Variants in PTPRU observed in about 807,000 individuals in gnomAD.
PTPRU encodes the protein receptor-type tyrosine-protein phosphatase U.
Under a neutral mutation model 166.3 loss-of-function variants are expected in PTPRU, and 69 were observed. That is an observed-to-expected ratio of 0.41 (90% CI 0.34 to 0.51). PTPRU has a LOEUF of 0.51. Among genes scored for constraint, PTPRU ranks in the 20% least tolerant of loss-of-function variants. The pLI is 0.09. For synonymous variants in PTPRU, 793 were observed against 814.0 expected (o/e 0.97, Z 0.44); for missense variants, 1,657 against 2,013.7 (o/e 0.82, Z 3.39).
At position 29,280,047 on chromosome 1, in the gene PTPRU, T is replaced by G. The variant is rs367633133; in HGVS notation, c.1774T>G (p.Phe592Val). 3 of 1,613,266 alleles carry G rather than the reference T, an allele frequency of 1.9e-6. No individual in the cohort carries two copies. The highest frequency in any genetic ancestry group is 1.3e-5 in the African/African-American group (1 of 74,912). ...CCTGTCCCCTTCTCCAGCTCCCAGC[T>G]TTGATTATGCCGACATGCCGTCACC... ...EITTNISAPSFDYADMPSPLG... is the reference protein window; with the variant it reads ...EITTNISAPSVDYADMPSPLG... Residue 592 changes from phenylalanine to valine, a missense_variant, in exon 11 of 30, where the codon TTT becomes GTT. Transcript: ENST00000373779. This position sits in a 1 kb window ranked among gnomAD's most constrained non-coding sequence, Gnocchi z 4.2.
chr1:29,243,930 A>C (rs1684171244), intron 1 of PTPRU, among the ~76,000 whole-genome samples: 1 of 152,002 alleles, frequency 6.6e-6, no homozygotes, highest in South Asian at 2.1e-4. Flanking sequence ...CTGTGGGAGG[A>C]CCCCTGAGGG....
Position 29,281,995 on chromosome 1 carries a change from G to A in PTPRU, c.1869-681G>A, listed in dbSNP as rs191713151. Among the ~76,000 whole-genome samples, 8 of 152,334 alleles carry A rather than the reference G, an allele frequency of 5.3e-5. No homozygotes were observed. In the East Asian group the frequency reaches 1.5e-3, roughly 29 times the overall value. On this transcript the variant is annotated intron_variant, in intron 11 of 29. Coordinates refer to ENST00000373779, the MANE Select transcript of PTPRU (RefSeq NM_133178.4). ...TAAAATAGAAACACAGCTGGGACCA[G>A]GGAGCACGAACCAGAGTGGGCAGTC...
intron 25 of PTPRU, among the ~76,000 whole-genome samples, chr1:29,319,397 C>T (rs1688047364): frequency 6.6e-6 from 1 of 152,178 alleles, no homozygotes; most frequent in Non-Finnish European, 1.5e-5. Flanking sequence ...CAGCCCTGTC[C>T]CCTCCTGAGG....
intron 1 of PTPRU, among the ~76,000 whole-genome samples, chr1:29,254,644 A>G (rs984409443): frequency 2.0e-5 from 3 of 152,238 alleles, no homozygotes; most frequent in African/African-American, 7.2e-5. Flanking sequence ...TACTTACGCC[A>G]TTTAGCATTG....
chr1:29,316,020 C>T lies in PTPRU; in HGVS notation c.3382C>T (p.His1128Tyr), dbSNP rs1419812416. The change falls in exon 24 of 30, where the codon CAT (histidine) becomes TAT (tyrosine). Residue 1128 changes from histidine to tyrosine, a missense_variant. Physicochemically the swap from His to Tyr is moderately conservative, Grantham distance 83. Transcript: ENST00000373779. ...IQTEEQYIFI[H>Y]DAILEACLCG... The stretch of plus-strand genomic sequence containing the variant: ...GTTCCAGGAGCAGTACATCTTCATT[C>T]ATGATGCAATCCTGGAGGCCTGCCT... 1.2e-6 allele frequency: 2 copies of T among 1,613,996 alleles called. No individual in the cohort carries two copies. Among genetic ancestry groups the T allele is most frequent in the Non-Finnish European group, 1.7e-6 (2 of 1,179,968 alleles).
chr1:29,325,199 GA>G lies in PTPRU; in HGVS notation c.4122del (p.Gly1375AspfsTer15). ...GRTIVHCLNG[G>X]GRSGTFCACA... Reference sequence around the variant, plus strand: ...TTGCATCTCTCATTCAGAAACGGGGGAGGACGCAGCGGCACCTTCTGCGCCT... The same window carrying G: ...TTGCATCTCTCATTCAGAAACGGGGGGGACGCAGCGGCACCTTCTGCGCCT... On this transcript the variant is annotated frameshift_variant, in exon 29 of 30. Transcript: ENST00000373779. LOFTEE classifies it high-confidence loss of function. 1 of 1,614,210 alleles carries G rather than the reference GA, an allele frequency of 6.2e-7. No homozygotes were observed. Among genetic ancestry groups the G allele is most frequent in the South Asian group, 1.1e-5 (1 of 91,084 alleles).
chr1:29,269,494 G>T (rs1414694259), intron 7 of PTPRU, among the ~76,000 whole-genome samples: 1 of 151,564 alleles, frequency 6.6e-6, no homozygotes, highest in African/African-American at 2.4e-5. Flanking sequence ...GTTTTCATAG[G>T]CTGGCCAGGA....
chr1:29,323,313 G>A, intron 26 of PTPRU, 58 bp from the exon 27 acceptor site: 1 of 1,575,068 alleles, frequency 6.3e-7, no homozygotes. Context: ...GGGCATGGCT[G>A]TGGGGTGAGC....
At position 29,259,535 on chromosome 1, in the gene PTPRU, G is replaced by A. The variant is rs1204523221; in HGVS notation, c.646G>A (p.Ala216Thr). The A allele has an allele frequency of 1.2e-6, 2 of 1,606,456 alleles. No homozygotes were observed. The highest frequency in any genetic ancestry group is 2.2e-5 in the East Asian group (1 of 44,618). The change falls in exon 5 of 30, where the codon GCG becomes ACG. Residue 216 changes from alanine (A) to threonine (T), a missense_variant. Physicochemically the swap from Ala to Thr is moderately conservative, Grantham distance 58. This residue lies in a region of PTPRU where 453 missense variants were observed against 496.9 expected (regional missense o/e 0.91). Transcript: ENST00000373779. Reference protein sequence around the residue: ...ASFQCMAAGRAAEAERFLLQR... With the variant: ...ASFQCMAAGRTAEAERFLLQR... ...GTTCCAGTGCATGGCCGCGGGCAGAGCGGCCGAGGCCGAACGCTTCCTCTT... is the reference window on the plus strand; with the variant it reads ...GTTCCAGTGCATGGCCGCGGGCAGAACGGCCGAGGCCGAACGCTTCCTCTT...
chr1:29,306,979 T>TCAGCCCAGCC, intron 18 of PTPRU: 1 of 822,194 alleles, frequency 1.2e-6, no homozygotes, highest in South Asian at 1.6e-5. Flanking sequence ...ACTCTGTGGC[T>TCAGCCCAGCC]CAGCCCAGCC....
chr1:29,266,303 G>GT (rs1013491312), intron 7 of PTPRU, among the ~76,000 whole-genome samples: 4 of 151,504 alleles, frequency 2.6e-5, no homozygotes, highest in Admixed American at 6.6e-5. Context: ...CTGGCCTCCT[G>GT]TTTTTTTTCT....
intron 15 of PTPRU, among the ~76,000 whole-genome samples, chr1:29,293,482 T>G (rs1557458735): frequency 6.6e-6 from 1 of 150,590 alleles, no homozygotes; most frequent in African/African-American, 2.4e-5. Flanking sequence ...TTTTTTGTTT[T>G]TTTTTTTTTT....
In PTPRU at chr1:29,279,804, G is replaced by C. The variant is rs1327087607; in HGVS notation, c.1765+147G>C. 1 of 1,079,082 alleles carries C rather than the reference G, an allele frequency of 9.3e-7. No homozygotes were observed. Among genetic ancestry groups the C allele is most frequent in the African/African-American group, 1.6e-5 (1 of 63,520 alleles). 66.8% of individuals were successfully genotyped at this position (1,079,082 alleles called of 1,614,324 possible). A position where few individuals can be genotyped will look rare whatever the true frequency, so the allele number is the denominator to read the frequency against. ...ATATGCCATTTAGGAGTTAAAGTCA[G>C]GCTCAGGGAGGATGAAGTCAGAGGA... On this transcript the variant is annotated intron_variant, in intron 10 of 29. Coordinates refer to ENST00000373779, the MANE Select transcript of PTPRU (RefSeq NM_133178.4). The surrounding 1 kb of genome is among the most constrained non-coding windows in gnomAD (Gnocchi z 5.2).
chr1:29,283,954 T>A lies in PTPRU; in HGVS notation c.2157T>A (p.Asn719Lys). Residue 719 changes from asparagine (N) to lysine (K), a missense_variant, in exon 13 of 30, where the codon AAT becomes AAA. By Grantham distance (94) the Asn-to-Lys change is moderately conservative. This residue lies in a region of PTPRU where 1,190 missense variants were observed against 1,477.4 expected (regional missense o/e 0.81). Transcript: ENST00000373779. Reference protein sequence around the residue: ...ASHLKGETRLNCIRIARKAAC... With the variant: ...ASHLKGETRLKCIRIARKAAC... The stretch of plus-strand genomic sequence containing the variant: ...TGTGCCTCCAGGAGACCCGGCTGAA[T>A]TGCATCCGCATTGCCAGGAAAGGTA... 6.2e-7 allele frequency: 1 copy of A among 1,613,916 alleles called. No homozygotes were observed. Among genetic ancestry groups the A allele is most frequent in the Non-Finnish European group, 8.5e-7 (1 of 1,180,020 alleles).
At chr1:29,323,285 G>A (rs1688244739) in intron 26 of PTPRU, 86 bp from the exon 27 acceptor site, 27 of 1,514,706 alleles carry the variant, frequency 1.8e-5, no homozygotes, top group Non-Finnish European at 2.4e-5. Context: ...CACAGGGCAA[G>A]TGTGGAGCCC....
At position 29,279,622 on chromosome 1, in the gene PTPRU, A is replaced by G. The variant is rs1685968683; in HGVS notation, c.1730A>G (p.Gln577Arg). ...VRARTGKGFG[Q>R]AALTEITTNI... ...GCCCGCACAGGCAAAGGCTTCGGCC[A>G]GGCGGCACTCACTGAGATAACCACT... The change falls in exon 10 of 30, where the codon CAG becomes CGG. Residue 577 changes from glutamine (Q) to arginine (R), a missense_variant. Physicochemically the swap from Gln to Arg is conservative, Grantham distance 43. Coordinates refer to ENST00000373779, the MANE Select transcript of PTPRU (RefSeq NM_133178.4). The surrounding 1 kb of genome is among the most constrained non-coding windows in gnomAD (Gnocchi z 5.2). 2.5e-6 allele frequency: 4 copies of G among 1,613,440 alleles called. No individual in the cohort carries two copies. The highest frequency in any genetic ancestry group is 2.2e-5 in the East Asian group (1 of 44,882).
At chr1:29,299,358 G>A (rs912988458) in intron 15 of PTPRU, among the ~76,000 whole-genome samples, 1 of 152,192 alleles carries the variant, frequency 6.6e-6, no homozygotes, top group African/African-American at 2.4e-5. Context: ...TGGTCCTTAG[G>A]GGTAGGGGAT....
Position 29,283,983 on chromosome 1 carries a change from C to T in PTPRU, c.2179+7C>T. Reference sequence around the variant, plus strand: ...ATCCGCATTGCCAGGAAAGGTAAGTCCGCTGAGTTCCTGCAGCCTTTCAGC... The same window carrying T: ...ATCCGCATTGCCAGGAAAGGTAAGTTCGCTGAGTTCCTGCAGCCTTTCAGC... On this transcript the variant is annotated splice_region_variant and intron_variant, in intron 13 of 29. Coordinates refer to ENST00000373779, the MANE Select transcript of PTPRU (RefSeq NM_133178.4). 6.2e-7 allele frequency: 1 copy of T among 1,613,502 alleles called. No homozygotes were observed. Among genetic ancestry groups the T allele is most frequent in the East Asian group, 2.2e-5 (1 of 44,872 alleles).
chr1:29,304,799 C>T lies in PTPRU; in HGVS notation c.2693C>T (p.Thr898Ile). Residue 898 changes from threonine (T) to isoleucine (I), a missense_variant, in exon 17 of 30, where the codon ACA becomes ATA. Thr to Ile is a moderately conservative substitution (Grantham distance 89). Transcript: ENST00000373779. Reference sequence around the variant, plus strand: ...AGCTTCTTTGAAGGCTGGGACGCCACAAAGAAGAAAGACAAGGTCAAGGGC... The same window carrying T: ...AGCTTCTTTGAAGGCTGGGACGCCATAAAGAAGAAAGACAAGGTCAAGGGC... ...YESFFEGWDA[T>I]KKKDKVKGSR... 6.2e-7 allele frequency: 1 copy of T among 1,612,394 alleles called. No individual in the cohort carries two copies. Among genetic ancestry groups the T allele is most frequent in the Non-Finnish European group, 8.5e-7 (1 of 1,178,756 alleles).
Sources: gnomAD v4.1 joint callset for allele counts (sites outside exome capture counted in the v4.1 genomes callset) on GRCh38, gnomAD v4.1.1 for gene constraint, gnomAD v4.1.1 regional missense constraint, Gnocchi (gnomAD v3.1) non-coding constraint, MANE v1.5 for transcripts, NCBI Gene and HGNC (gene_info 2026-07-23, HGNC 2026-07-21) for gene names.